STXBP5: variants seen among roughly 807,000 people sequenced by gnomAD.
STXBP5 encodes syntaxin binding protein 5, also known as syntaxin-binding protein 5.
STXBP5 carries 50 observed loss-of-function variants against 152.4 expected under a neutral mutation model. The observed-to-expected ratio is 0.33, with a 90% CI of 0.26 to 0.42. The LOEUF (loss-of-function observed/expected upper bound fraction) is 0.42. Ranked by LOEUF, STXBP5 falls within the 10% of genes least tolerant of loss-of-function variation. The pLI is 1.00. For missense variants in STXBP5, 1,167 were observed against 1,388.6 expected, an observed-to-expected ratio of 0.84 and a Z score of 2.54; for synonymous variants, 492 against 494.7, an observed-to-expected ratio of 0.99 and a Z score of 0.07.
intron 4 of STXBP5, among the ~76,000 whole-genome samples, chr6:147,251,320 C>T (rs555636136): frequency 1.8e-4 from 20 of 110,252 alleles, no homozygotes; most frequent in African/African-American, 5.6e-4. Flanking sequence ...TGGGTGCCTA[C>T]GCCAACAGGG....
chr6:147,222,763 A>G (rs531449326), intron 2 of STXBP5, among the ~76,000 whole-genome samples: 5 of 152,262 alleles, frequency 3.3e-5, no homozygotes, highest in East Asian at 1.9e-4. Flanking sequence ...ATTTTCTCCA[A>G]TATTCATTGT....
intron 2 of STXBP5, among the ~76,000 whole-genome samples, chr6:147,227,913 ATGCAT>A (rs1425173211): frequency 1.3e-5 from 2 of 151,736 alleles, no homozygotes; most frequent in African/African-American, 4.8e-5. Flanking sequence ...CACTTCCCTT[ATGCAT>A]TGGCTGCTGT....
chr6:147,314,643 A>G lies in STXBP5; in HGVS notation c.1402+7A>G. ...TTCTGGGATGCTTCTGCAAGTAAGTATTTTTAATATTCATTATTTGTTATA... is the reference window on the plus strand; with the variant it reads ...TTCTGGGATGCTTCTGCAAGTAAGTGTTTTTAATATTCATTATTTGTTATA... On this transcript the variant is annotated splice_region_variant and intron_variant, in intron 14 of 27. Coordinates refer to ENST00000321680, the MANE Select transcript of STXBP5 (RefSeq NM_001127715.4). 1.2e-6 allele frequency: 2 copies of G among 1,601,834 alleles called. No homozygotes were observed. Among genetic ancestry groups the G allele is most frequent in the Non-Finnish European group, 1.7e-6 (2 of 1,173,784 alleles).
At chr6:147,292,423 G>A in intron 9 of STXBP5, 1 of 266,342 alleles carries the variant, frequency 3.8e-6, no homozygotes, top group Non-Finnish European at 7.3e-6. Flanking sequence ...GACATAGATG[G>A]ATAAAATGTC....
chr6:147,352,543 G>A (rs542042438), intron 21 of STXBP5, among the ~76,000 whole-genome samples: 1 of 151,038 alleles, frequency 6.6e-6, no homozygotes, highest in Non-Finnish European at 1.5e-5. Context: ...CCTGAGAGGC[G>A]GAGGCTGCAG....
intron 21 of STXBP5, among the ~76,000 whole-genome samples, chr6:147,352,894 G>A (rs1384102062): frequency 6.6e-6 from 1 of 152,108 alleles, no homozygotes; most frequent in Admixed American, 6.5e-5. Flanking sequence ...GCCAGGCATG[G>A]TGGCTCACGC....
At chr6:147,259,753 AT>A (rs1231080790) in intron 4 of STXBP5, among the ~76,000 whole-genome samples, 15 of 152,070 alleles carry the variant, frequency 9.9e-5, no homozygotes, top group Admixed American at 9.8e-4. Flanking sequence ...AGGAAAAAAA[AT>A]AAGCATTATA....
chr6:147,251,610 C>T (rs1374351311), intron 4 of STXBP5, among the ~76,000 whole-genome samples: 2 of 152,230 alleles, frequency 1.3e-5, no homozygotes, highest in Admixed American at 6.5e-5. Context: ...ATAGATGAAA[C>T]TCCCATCTCC....
chr6:147,359,027 A>C (rs1202271738), intron 22 of STXBP5, 57 bp from the exon 23 acceptor site: 16 of 1,567,544 alleles, frequency 1.0e-5, no homozygotes, highest in Non-Finnish European at 1.4e-5. Flanking sequence ...TTAAAAAACA[A>C]CACAAATAAC....
At chr6:147,270,390 C>G (rs1413393070) in intron 7 of STXBP5, among the ~76,000 whole-genome samples, 1 of 121,570 alleles carries the variant, frequency 8.2e-6, no homozygotes, top group Admixed American at 9.1e-5. Context: ...CAGAGTGAGA[C>G]TCTGTCAAAA....
intron 22 of STXBP5, among the ~76,000 whole-genome samples, chr6:147,357,787 A>G (rs577423360): frequency 5.3e-5 from 8 of 152,302 alleles, no homozygotes; most frequent in South Asian, 2.1e-4. Context: ...GTTTCTCCCT[A>G]TGAGAACAGA....
intron 8 of STXBP5, among the ~76,000 whole-genome samples, chr6:147,279,569 G>A (rs1028321743): frequency 3.3e-5 from 5 of 152,172 alleles, no homozygotes; most frequent in Admixed American, 2.6e-4. Context: ...AAAAATAACA[G>A]TTCTTGAAAC....
rs1781252590 is a variant in STXBP5 at position 147,291,077 on chromosome 6, A to C, written c.839-17A>C. 1.3e-6 allele frequency: 2 copies of C among 1,595,836 alleles called. No homozygotes were observed. Among genetic ancestry groups the C allele is most frequent in the Non-Finnish European group, 1.7e-6 (2 of 1,168,806 alleles). The stretch of plus-strand genomic sequence containing the variant: ...AACTTAGAATTTTAGAATTTAATGC[A>C]GGAAAATATATTTTAGGAAAACAGT... On this transcript the variant is annotated splice_polypyrimidine_tract_variant and intron_variant, in intron 8 of 27. Transcript: ENST00000321680.
chr6:147,346,286 C>A (rs1225803744), intron 21 of STXBP5, among the ~76,000 whole-genome samples: 2 of 152,110 alleles, frequency 1.3e-5, no homozygotes, highest in Non-Finnish European at 2.9e-5. Context: ...TCTACAACCC[C>A]ATCATCACAA....
chr6:147,363,834 T>A lies in STXBP5; in HGVS notation c.2915+130T>A, dbSNP rs980206031. 5.7e-6 allele frequency: 8 copies of A among 1,410,440 alleles called. No homozygotes were observed. The Admixed American group carries it at 1.9e-4, about 34-fold the overall frequency. The allele number at this position is 1,410,440 out of a possible 1,614,324, so 87.4% of individuals were successfully genotyped here. A position where few individuals can be genotyped will look rare whatever the true frequency, so the allele number is the denominator to read the frequency against. On this transcript the variant is annotated intron_variant, in intron 24 of 27. Coordinates refer to ENST00000321680, the MANE Select transcript of STXBP5 (RefSeq NM_001127715.4). ...ACTCTGAGAATTTATTTTTATTCTG[T>A]TAATAGTGAACAAGTATATGAGGAG...
chr6:147,291,034 A>T, intron 8 of STXBP5, 60 bp from the exon 9 acceptor site: 4 of 1,224,514 alleles, frequency 3.3e-6, no homozygotes, highest in Non-Finnish European at 4.6e-6. Context: ...ATAAACTATC[A>T]ATGTAAGAAT....
chr6:147,276,572 G>T (rs1315659527), intron 7 of STXBP5, among the ~76,000 whole-genome samples: 1 of 152,016 alleles, frequency 6.6e-6, no homozygotes, highest in Non-Finnish European at 1.5e-5. Context: ...ATAGGTTCCA[G>T]ATAGCACTAT....
At chr6:147,339,430 C>G in intron 21 of STXBP5, 46 bp downstream of exon 21, 1 of 1,367,798 alleles carries the variant, frequency 7.3e-7, no homozygotes, top group East Asian at 2.6e-5. Context: ...TTGCTATATG[C>G]AGTGCTAACC....
intron 17 of STXBP5, 133 bp from the exon 18 acceptor site, chr6:147,326,992 C>A (rs1269346127): frequency 1.4e-6 from 1 of 720,376 alleles, no homozygotes; most frequent in Non-Finnish European, 2.2e-6. Context: ...ATTTCAGTTC[C>A]TATAGTTGTC....
Sources: gnomAD v4.1 joint callset for allele counts (sites outside exome capture counted in the v4.1 genomes callset) on GRCh38, gnomAD v4.1.1 for gene constraint, MANE v1.5 for transcripts, NCBI Gene and HGNC (gene_info 2026-07-23, HGNC 2026-07-21) for gene names.